Variants in KPNA3 observed in about 807,000 individuals in gnomAD.
KPNA3 encodes karyopherin subunit alpha 3.
A neutral mutation model predicts 73.8 loss-of-function variants in KPNA3; 13 were observed. The observed-to-expected ratio is 0.18, with a 90% CI of 0.11 to 0.28. The LOEUF (loss-of-function observed/expected upper bound fraction) is 0.28. Among genes scored for constraint, KPNA3 ranks in the 10% least tolerant of loss-of-function variants. KPNA3 has a pLI of 1.00. For missense variants in KPNA3, 360 were observed against 618.1 expected (o/e 0.58, Z 4.43); for synonymous variants, 186 against 206.9 (o/e 0.90, Z 0.87).
At chr13:49,705,574 C>A in intron 15 of KPNA3, 47 bp downstream of exon 15, 1 of 1,570,384 alleles carries the variant, frequency 6.4e-7, no homozygotes. Context: ...ACTTATGTTT[C>A]AGAGTTCCAG....
At chr13:49,764,837 A>G (rs1384577607) in intron 1 of KPNA3, among the ~76,000 whole-genome samples, 1 of 152,054 alleles carries the variant, frequency 6.6e-6, no homozygotes, top group Non-Finnish European at 1.5e-5. Flanking sequence ...TTGAAAAAGT[A>G]GTCTAGACTG....
intron 1 of KPNA3, among the ~76,000 whole-genome samples, chr13:49,784,445 G>A (rs1954965769): frequency 6.6e-6 from 1 of 152,106 alleles, no homozygotes; most frequent in South Asian, 2.1e-4. Context: ...TTTAATAAAA[G>A]AAAACTGACC....
chr13:49,764,058 C>A (rs1385852133), intron 1 of KPNA3, among the ~76,000 whole-genome samples: 3 of 114,918 alleles, frequency 2.6e-5, no homozygotes, highest in African/African-American at 3.8e-5. Flanking sequence ...CAGAGAGAGA[C>A]CCTGTCTCAA....
chr13:49,760,139 C>T lies in KPNA3; in HGVS notation c.70-13146G>A, dbSNP rs147984874. Among the ~76,000 whole-genome samples the T allele has an allele frequency of 4.7e-3, 716 of 152,214 alleles. 2 individuals carry two copies. Among genetic ancestry groups the T allele is most frequent in the South Asian group, 0.011 (52 of 4,824 alleles). On this transcript the variant is annotated intron_variant, in intron 1 of 16. Transcript: ENST00000261667. ...CAAGTGACATGATAAGATGTAAAAT[C>T]CAGCCGGGCACGGTGGCTCATGCCT...
rs1291585973 is a variant in KPNA3 at position 49,700,948 on chromosome 13, C to T, written c.*852G>A. ...GCTGTTTTTCCTTTATACTCAGGGA[C>T]TCTTGCTTTCAACTTAAACAGAAGT... On this transcript the variant is annotated 3_prime_UTR_variant, in exon 17 of 17. Coordinates refer to ENST00000261667, the MANE Select transcript of KPNA3 (RefSeq NM_002267.4). 1 of 152,406 alleles carries T rather than the reference C, an allele frequency of 6.6e-6. No homozygotes were observed. The highest frequency in any genetic ancestry group is 2.4e-5 in the African/African-American group (1 of 41,384). The allele number at this position is 152,406 out of a possible 1,614,324, so 9.4% of individuals were successfully genotyped here. A position where few individuals can be genotyped will look rare whatever the true frequency, so the allele number is the denominator to read the frequency against.
chr13:49,745,859 C>T (rs1238940843), intron 2 of KPNA3, among the ~76,000 whole-genome samples: 40 of 149,636 alleles, frequency 2.7e-4, no homozygotes, highest in Non-Finnish European at 4.6e-4. Flanking sequence ...GTCAGGAGAT[C>T]GAGACCATCC....
At chr13:49,738,670 G>T (rs1954546541) in intron 2 of KPNA3, among the ~76,000 whole-genome samples, 1 of 152,034 alleles carries the variant, frequency 6.6e-6, no homozygotes, top group Admixed American at 6.6e-5. Context: ...ATATAAATGC[G>T]ACTGATTTCT....
At position 49,732,743 on chromosome 13, in the gene KPNA3, A is replaced by G; in HGVS notation, c.234+4T>C. 5.0e-6 allele frequency: 8 copies of G among 1,585,586 alleles called. No homozygotes were observed. Among genetic ancestry groups the G allele is most frequent in the Non-Finnish European group, 6.9e-6 (8 of 1,158,408 alleles). ...AAAACGAGAGTATTAATTTAGTAAC[A>G]TACCTGCAATATAGCTTCTAGGGTT... On this transcript the variant is annotated splice_donor_region_variant and intron_variant, in intron 4 of 16. Coordinates refer to ENST00000261667, the MANE Select transcript of KPNA3 (RefSeq NM_002267.4).
At chr13:49,765,151 TTAAG>T (rs1954798929) in intron 1 of KPNA3, among the ~76,000 whole-genome samples, 2 of 152,234 alleles carry the variant, frequency 1.3e-5, no homozygotes, top group African/African-American at 4.8e-5. Context: ...CAATTATCAA[TTAAG>T]TATTAATAAC....
chr13:49,728,987 TATC>T (rs1393254550), intron 6 of KPNA3, among the ~76,000 whole-genome samples: 1 of 152,226 alleles, frequency 6.6e-6, no homozygotes, highest in African/African-American at 2.4e-5. Flanking sequence ...CTTCAGTTAA[TATC>T]ATGAAAAAGA....
intron 2 of KPNA3, among the ~76,000 whole-genome samples, chr13:49,740,839 A>G (rs1344874733): frequency 6.6e-6 from 1 of 152,000 alleles, no homozygotes; most frequent in Non-Finnish European, 1.5e-5. Context: ...AGCCCCTGGT[A>G]ACCACCATCC....
chr13:49,737,702 G>A (rs573825590), intron 2 of KPNA3, among the ~76,000 whole-genome samples: 2 of 151,818 alleles, frequency 1.3e-5, no homozygotes, highest in African/African-American at 2.4e-5. Flanking sequence ...TCCAACTCCC[G>A]GGCTCAAGAG....
At chr13:49,769,673 A>C (rs1319444109) in intron 1 of KPNA3, among the ~76,000 whole-genome samples, 1 of 152,168 alleles carries the variant, frequency 6.6e-6, no homozygotes, top group African/African-American at 2.4e-5. Flanking sequence ...TTATCTACCT[A>C]TTCTTCCATT....
intron 2 of KPNA3, among the ~76,000 whole-genome samples, chr13:49,741,370 T>C (rs1954572147): frequency 6.6e-6 from 1 of 152,232 alleles, no homozygotes; most frequent in South Asian, 2.1e-4. Flanking sequence ...TTTAATTTTA[T>C]TTCTCTGATT....
chr13:49,713,969 G>T (rs1255801625), intron 10 of KPNA3, among the ~76,000 whole-genome samples: 1 of 152,144 alleles, frequency 6.6e-6, no homozygotes, highest in Non-Finnish European at 1.5e-5. Flanking sequence ...CTCCCAAAGT[G>T]CTGGGATTAC....
intron 10 of KPNA3, among the ~76,000 whole-genome samples, chr13:49,717,176 T>A (rs2137540427): frequency 6.6e-6 from 1 of 152,264 alleles, no homozygotes; most frequent in African/African-American, 2.4e-5. Context: ...TTTATCTGTA[T>A]AAAACAAATA....
At chr13:49,788,717 C>CT (rs143440962) in intron 1 of KPNA3, among the ~76,000 whole-genome samples, 1,808 of 112,546 alleles carry the variant, frequency 0.016, 57 homozygotes, top group African/African-American at 0.056. Flanking sequence ...GCCAGACCCT[C>CT]TTTTTTTTTT....
intron 1 of KPNA3, among the ~76,000 whole-genome samples, chr13:49,757,691 T>TACAC (rs111250503): frequency 6.6e-4 from 99 of 150,544 alleles, no homozygotes; most frequent in African/African-American, 1.6e-3. Context: ...AAAACTCATC[T>TACAC]ACACACACAC....
At chr13:49,762,206 C>T (rs1351268411) in intron 1 of KPNA3, among the ~76,000 whole-genome samples, 1 of 148,156 alleles carries the variant, frequency 6.7e-6, no homozygotes, top group Non-Finnish European at 1.5e-5. Context: ...AGGTGGAGGG[C>T]AGCCCCCGCC....
Sources: gnomAD v4.1 joint callset for allele counts (sites outside exome capture counted in the v4.1 genomes callset) on GRCh38, gnomAD v4.1.1 for gene constraint, MANE v1.5 for transcripts, NCBI Gene and HGNC (gene_info 2026-07-23, HGNC 2026-07-21) for gene names.